Variants in PLCE1 observed in about 807,000 individuals in gnomAD.
PLCE1 encodes the protein phospholipase C epsilon 1.
Under a neutral mutation model 242.8 loss-of-function variants are expected in PLCE1, and 119 were observed. The observed-to-expected ratio is 0.49, with a 90% CI of 0.42 to 0.57. The LOEUF is 0.57. Among genes scored for constraint, PLCE1 ranks in the 20% least tolerant of loss-of-function variants. The probability of loss-of-function intolerance (pLI) is 0.00; values close to 1 mark genes in which losing one functional copy is unlikely to be tolerated. For missense variants in PLCE1, 2,441 were observed against 2,788.8 expected (o/e 0.88, Z 2.81); for synonymous variants, 945 against 1,017.4 (o/e 0.93, Z 1.35).
At chr10:94,003,337 A>C (rs1450462715) in intron 1 of PLCE1, among the ~76,000 whole-genome samples, 1 of 152,248 alleles carries the variant, frequency 6.6e-6, no homozygotes, top group East Asian at 1.9e-4. Context: ...GATGAAAGGC[A>C]GTTGAATTTT....
chr10:93,996,777 G>A (rs942737083), intron 1 of PLCE1, among the ~76,000 whole-genome samples: 2 of 152,156 alleles, frequency 1.3e-5, no homozygotes, highest in African/African-American at 4.8e-5. Context: ...AGCCACATAT[G>A]GCTATTTACA....
At chr10:94,321,020 T>C (rs2053780557) in intron 29 of PLCE1, among the ~76,000 whole-genome samples, 1 of 152,322 alleles carries the variant, frequency 6.6e-6, no homozygotes, top group East Asian at 1.9e-4. Context: ...AAGATACATA[T>C]ATCTGTAGAT....
chr10:94,051,845 A>C (rs1398830979), intron 2 of PLCE1, among the ~76,000 whole-genome samples: 1 of 152,192 alleles, frequency 6.6e-6, no homozygotes, highest in Non-Finnish European at 1.5e-5. Flanking sequence ...AATCTTACCT[A>C]ACTTGGCTTT....
chr10:94,067,818 T>C (rs2135058883), intron 2 of PLCE1, among the ~76,000 whole-genome samples: 1 of 152,298 alleles, frequency 6.6e-6, no homozygotes. Flanking sequence ...GTGCTGGCCT[T>C]TGGATGAGGA....
chr10:94,132,234 C>T lies in PLCE1; in HGVS notation c.1267C>T (p.Leu423Phe), dbSNP rs769861376. The change falls in exon 3 of 33, where the codon CTC becomes TTC. Residue 423 changes from leucine (L) to phenylalanine (F), a missense_variant. Transcript: ENST00000371380. ...TACAGTTGGATCTCTACTCCATTTC[C>T]TCACCAAGCTCCCAGCCTCCGAGAC... ...ENTVGSLLHFLTKLPASETAH... is the reference protein window; with the variant it reads ...ENTVGSLLHFFTKLPASETAH... 5 of 1,613,952 alleles carry T rather than the reference C, an allele frequency of 3.1e-6. No individual in the cohort carries two copies. The highest frequency in any genetic ancestry group is 1.1e-5 in the South Asian group (1 of 91,054).
intron 2 of PLCE1, among the ~76,000 whole-genome samples, chr10:94,063,176 C>G (rs1489153430): frequency 6.6e-6 from 1 of 152,234 alleles, no homozygotes; most frequent in African/African-American, 2.4e-5. Context: ...TCACTCACCA[C>G]TCTCCCTCCT....
intron 30 of PLCE1, among the ~76,000 whole-genome samples, chr10:94,323,874 G>A (rs1010411706): frequency 6.6e-6 from 1 of 152,182 alleles, no homozygotes; most frequent in Non-Finnish European, 1.5e-5. Flanking sequence ...TATATTAAAT[G>A]AAAAGAGAGA....
chr10:94,182,273 T>C (rs1564764504), intron 4 of PLCE1, among the ~76,000 whole-genome samples: 1 of 152,014 alleles, frequency 6.6e-6, no homozygotes. Context: ...CTTTTTTATT[T>C]TATTTTATTT....
intron 3 of PLCE1, chr10:94,155,511 T>C (rs1361310041): frequency 6.6e-6 from 1 of 152,038 alleles, no homozygotes; most frequent in Admixed American, 6.6e-5. Context: ...ATGGCCAACA[T>C]ATACAGGGTT....
intron 30 of PLCE1, among the ~76,000 whole-genome samples, chr10:94,324,081 T>A (rs2053922936): frequency 6.6e-6 from 1 of 152,192 alleles, no homozygotes; most frequent in Non-Finnish European, 1.5e-5. Flanking sequence ...GGAATCTACT[T>A]AACCTGTCTT....
intron 3 of PLCE1, among the ~76,000 whole-genome samples, chr10:94,165,335 G>A (rs1029115490): frequency 6.7e-4 from 102 of 152,290 alleles, no homozygotes; most frequent in African/African-American, 2.1e-3. Flanking sequence ...AATGGCGGGC[G>A]CCCCTCCCCC....
In PLCE1 at chr10:94,030,889, C is replaced by T. The variant is rs1239375978; in HGVS notation, c.-158C>T. On this transcript the variant is annotated 5_prime_UTR_variant, in exon 2 of 33. Transcript: ENST00000371380. ...GTTATAACTAAGAAAATTTATTTGC[C>T]TCTTAATGCTCCTGAATGAAAGGAA... The T allele has an allele frequency of 2.0e-5, 14 of 705,878 alleles. No individual in the cohort carries two copies. Among genetic ancestry groups the T allele is most frequent in the Non-Finnish European group, 3.2e-5 (13 of 406,160 alleles). The allele number at this position is 705,878 out of a possible 1,614,324, so 43.7% of individuals were successfully genotyped here.
At position 94,314,095 on chromosome 10, in the gene PLCE1, C is replaced by A. The variant is rs564193253; in HGVS notation, c.6132+713C>A. 9.3e-4 allele frequency among the ~76,000 whole-genome samples: 142 copies of A among 152,324 alleles called. 2 individuals are homozygous for A. In the South Asian group the frequency reaches 0.029, roughly 31 times the overall value. ...TCCGAAGGATCTTTGTGGCCTTCTG[C>A]AGACAGGTCCCCATCCATGGGGGGA... On this transcript the variant is annotated intron_variant, in intron 28 of 32. Transcript: ENST00000371380.
intron 3 of PLCE1, among the ~76,000 whole-genome samples, chr10:94,132,888 T>G (rs1381526629): frequency 6.8e-6 from 1 of 146,234 alleles, no homozygotes; most frequent in East Asian, 2.0e-4. Context: ...AGGTGGAGCT[T>G]GCAGTGAGCC....
intron 8 of PLCE1, among the ~76,000 whole-genome samples, chr10:94,249,967 A>T (rs1450533256): frequency 1.3e-5 from 2 of 152,082 alleles, no homozygotes; most frequent in Admixed American, 6.6e-5. Context: ...CATTCAAAGG[A>T]TGTAGATTAG....
chr10:94,141,407 C>A (rs938652657), intron 3 of PLCE1, among the ~76,000 whole-genome samples: 20 of 151,590 alleles, frequency 1.3e-4, no homozygotes, highest in Admixed American at 2.6e-4. Flanking sequence ...ATGAAAGGAA[C>A]AAATTATGGC....
At chr10:94,160,981 C>T (rs1037108014) in intron 3 of PLCE1, among the ~76,000 whole-genome samples, 5 of 152,120 alleles carry the variant, frequency 3.3e-5, no homozygotes, top group African/African-American at 1.2e-4. Context: ...TGTTTTGGTA[C>T]CAGTACCATG....
intron 6 of PLCE1, among the ~76,000 whole-genome samples, chr10:94,235,059 C>A (rs1252826395): frequency 7.6e-6 from 1 of 132,168 alleles, no homozygotes; most frequent in Non-Finnish European, 1.6e-5. Flanking sequence ...TACTACTGAC[C>A]TTTCACACAC....
intron 5 of PLCE1, among the ~76,000 whole-genome samples, chr10:94,229,458 G>T (rs116188746): frequency 6.6e-6 from 1 of 152,156 alleles, no homozygotes; most frequent in African/African-American, 2.4e-5. Flanking sequence ...ATAGCCTTGG[G>T]AATCATACAT....
Sources: gnomAD v4.1 joint callset for allele counts (sites outside exome capture counted in the v4.1 genomes callset) on GRCh38, gnomAD v4.1.1 for gene constraint, MANE v1.5 for transcripts, NCBI Gene and HGNC (gene_info 2026-07-23, HGNC 2026-07-21) for gene names.